The following ANKRD13B variants were observed in gnomAD, a reference collection of about 807,000 sequenced individuals.
ANKRD13B encodes the protein ankyrin repeat domain-containing protein 13B.
Under a neutral mutation model 74.4 loss-of-function variants are expected in ANKRD13B, and 33 were observed. The observed-to-expected ratio is 0.44, with a 90% CI of 0.34 to 0.59. ANKRD13B has a LOEUF of 0.59. Among genes scored for constraint, ANKRD13B ranks in the 20% least tolerant of loss-of-function variants. The pLI is 0.02. For missense variants in ANKRD13B, 676 were observed against 877.9 expected, an observed-to-expected ratio of 0.77 and a Z score of 2.91; for synonymous variants, 341 against 362.9, an observed-to-expected ratio of 0.94 and a Z score of 0.68.
intron 1 of ANKRD13B, among the ~76,000 whole-genome samples, chr17:29,606,733 A>T (rs1413168044): frequency 4.4e-3 from 149 of 33,944 alleles, no homozygotes; most frequent in African/African-American, 0.03. Context: ...TCAAGTAAAA[A>T]AAAAAAAAAA....
rs556580817 is a variant in ANKRD13B at position 29,608,286 on chromosome 17, T to A, written c.421+46T>A. The A allele has an allele frequency of 1.2e-6, 2 of 1,611,958 alleles. No homozygotes were observed. The highest frequency in any genetic ancestry group is 2.7e-5 in the African/African-American group (2 of 75,020). Reference sequence around the variant, plus strand: ...CGCTTCTGGGCTCTCCCACTTTAGGTCCTGCGCTTGCTCCCCTGCCTGGAA... The same window carrying A: ...CGCTTCTGGGCTCTCCCACTTTAGGACCTGCGCTTGCTCCCCTGCCTGGAA... On this transcript the variant is annotated intron_variant, in intron 4 of 14. Transcript: ENST00000394859. The surrounding 1 kb of genome is among the most constrained non-coding windows in gnomAD (Gnocchi z 6.4).
chr17:29,603,939 G>A (rs1245651413), intron 1 of ANKRD13B, among the ~76,000 whole-genome samples: 1 of 147,482 alleles, frequency 6.8e-6, no homozygotes, highest in African/African-American at 2.5e-5. Flanking sequence ...GTGCAGGGGC[G>A]CCATCTCGGC....
In ANKRD13B at chr17:29,609,052, C is replaced by T. The variant is rs2034485966; in HGVS notation, c.566-34C>T. Reference sequence around the variant, plus strand: ...ACGATGGGAGGCAGCCCCAGGCCACCCCTGATCCCCCTGTGCTGTTCCGTG... The same window carrying T: ...ACGATGGGAGGCAGCCCCAGGCCACTCCTGATCCCCCTGTGCTGTTCCGTG... On this transcript the variant is annotated intron_variant, in intron 5 of 14. Transcript: ENST00000394859. This position sits in a 1 kb window ranked among gnomAD's most constrained non-coding sequence, Gnocchi z 4.0. 1 of 1,612,248 alleles carries T rather than the reference C, an allele frequency of 6.2e-7. No homozygotes were observed. Among genetic ancestry groups the T allele is most frequent in the Admixed American group, 1.7e-5 (1 of 60,016 alleles).
rs2034740872 is a variant in ANKRD13B, at chr17:29,614,491, TTCA to T, written c.*912_*914del. ...CACACGGAGACTGACTCTAAAACCC[TTCA>T]TCCAATGGTGCTAACCCCCGGCTCT... On this transcript the variant is annotated 3_prime_UTR_variant, in exon 15 of 15. Transcript: ENST00000394859. 1 of 148,010 alleles carries T rather than the reference TTCA, an allele frequency of 6.8e-6. No individual in the cohort carries two copies. Among genetic ancestry groups the T allele is most frequent in the South Asian group, 2.2e-4 (1 of 4,618 alleles). 9.2% of individuals were successfully genotyped at this position (148,010 alleles called of 1,614,324 possible). A position where few individuals can be genotyped will look rare whatever the true frequency, so the allele number is the denominator to read the frequency against.
intron 14 of ANKRD13B, 103 bp from the exon 15 acceptor site, chr17:29,613,251 G>T (rs1428693973): frequency 1.1e-5 from 15 of 1,388,646 alleles, no homozygotes; most frequent in Non-Finnish European, 1.4e-5. Flanking sequence ...CTCCACTAGA[G>T]GGTGGTGGCC....
chr17:29,607,755 A>C lies in ANKRD13B; in HGVS notation c.128A>C (p.Gln43Pro). The change falls in exon 2 of 15, where the codon CAG becomes CCG. Residue 43 changes from glutamine to proline, a missense_variant. Gln to Pro is a moderately conservative substitution (Grantham distance 76). Coordinates refer to ENST00000394859, the MANE Select transcript of ANKRD13B (RefSeq NM_152345.5). ...CTCCTCCTCCAGGTGGACATCGAGC[A>C]GCTGGATCCCCGCGGCCGGACTCCC... ...EVRAGQVDIE[Q>P]LDPRGRTPLH... The C allele has an allele frequency of 1.9e-6, 3 of 1,599,548 alleles. No homozygotes were observed. The highest frequency in any genetic ancestry group is 1.3e-5 in the African/African-American group (1 of 74,956).
chr17:29,611,921 A>G lies in ANKRD13B; in HGVS notation c.1015A>G (p.Thr339Ala). 2 of 1,614,032 alleles carry G rather than the reference A, an allele frequency of 1.2e-6. No homozygotes were observed. Among genetic ancestry groups the G allele is most frequent in the Non-Finnish European group, 1.7e-6 (2 of 1,179,972 alleles). The change falls in exon 10 of 15, where the codon ACT (threonine) becomes GCT (alanine). Residue 339 changes from threonine (T) to alanine (A), a missense_variant. Thr to Ala is a moderately conservative substitution (Grantham distance 58). Coordinates refer to ENST00000394859, the MANE Select transcript of ANKRD13B (RefSeq NM_152345.5). This position sits in a 1 kb window ranked among gnomAD's most constrained non-coding sequence, Gnocchi z 4.3. ...GAGCCAAGCCAACCCCACTGCCATC[A>G]CTGCAGAAGAATACTTCAACCCCAA... ...TLSQANPTAITAEEYFNPNFE... is the reference protein window; with the variant it reads ...TLSQANPTAIAAEEYFNPNFE...
rs749211266 is a variant in ANKRD13B at position 29,608,206 on chromosome 17, C to T, written c.387C>T (p.Phe129=). 2.5e-6 allele frequency: 4 copies of T among 1,614,198 alleles called. No individual in the cohort carries two copies. Among genetic ancestry groups the T allele is most frequent in the Non-Finnish European group, 3.4e-6 (4 of 1,180,032 alleles). Residue 129 remains phenylalanine (F), a synonymous_variant, in exon 4 of 15, where the codon TTC becomes TTT. Transcript: ENST00000394859. This position sits in a 1 kb window ranked among gnomAD's most constrained non-coding sequence, Gnocchi z 6.4. ...CCTTCGTCCTCCAGGCCCAGGACTT[C>T]TACGTGGAGATGAAATGGGAGTTCA... is the stretch of plus-strand genomic sequence containing the variant. The part of the protein sequence containing the change: ...LLEKLRKAQD[F]YVEMKWEFTS...
rs573679590 is a variant in ANKRD13B at position 29,596,652 on chromosome 17, G to A, written c.114+2917G>A. 1.2e-4 allele frequency among the ~76,000 whole-genome samples: 19 copies of A among 152,332 alleles called. No homozygotes were observed. In the South Asian group the frequency reaches 1.9e-3, roughly 15 times the overall value. ...GAATCATTTTCCTTCTCCCTGGGGC[G>A]TTCTCCACCGTGGGCTTGCTTCCTG... On this transcript the variant is annotated intron_variant, in intron 1 of 14. Transcript: ENST00000394859.
chr17:29,612,621 G>T lies in ANKRD13B; in HGVS notation c.1412-31G>T. 1 of 1,521,420 alleles carries T rather than the reference G, an allele frequency of 6.6e-7. No individual in the cohort carries two copies. Among genetic ancestry groups the T allele is most frequent in the Admixed American group, 2.0e-5 (1 of 49,562 alleles). 94.2% of individuals were successfully genotyped at this position (1,521,420 alleles called of 1,614,324 possible). A position where few individuals can be genotyped will look rare whatever the true frequency, so the allele number is the denominator to read the frequency against. ...GGGGTGGGTGGGAGGGGCGCGCCCG[G>T]CCGTGCCTGACCCAGCCCCCGCGCC... On this transcript the variant is annotated intron_variant, in intron 12 of 14. Transcript: ENST00000394859. This position sits in a 1 kb window ranked among gnomAD's most constrained non-coding sequence, Gnocchi z 6.1.
rs374614115 is a variant in ANKRD13B at position 29,612,844 on chromosome 17, G to C, written c.1575+29G>C. ...CGTCTCCGCGGGCGCGCGGGGCCAC[G>C]GGACTCCGCGCCGCCACGGCTAACG... On this transcript the variant is annotated intron_variant, in intron 13 of 14. Coordinates refer to ENST00000394859, the MANE Select transcript of ANKRD13B (RefSeq NM_152345.5). This position sits in a 1 kb window ranked among gnomAD's most constrained non-coding sequence, Gnocchi z 6.1. 5 of 1,600,024 alleles carry C rather than the reference G, an allele frequency of 3.1e-6. No individual in the cohort carries two copies. The highest frequency in any genetic ancestry group is 4.2e-6 in the Non-Finnish European group (5 of 1,178,670).
chr17:29,612,819 C>T lies in ANKRD13B; in HGVS notation c.1575+4C>T. Reference sequence around the variant, plus strand: ...GGCGGGCAGTGAGTATGACCAGGTGCGTCTCCGCGGGCGCGCGGGGCCACG... The same window carrying T: ...GGCGGGCAGTGAGTATGACCAGGTGTGTCTCCGCGGGCGCGCGGGGCCACG... On this transcript the variant is annotated splice_donor_region_variant and intron_variant, in intron 13 of 14. Coordinates refer to ENST00000394859, the MANE Select transcript of ANKRD13B (RefSeq NM_152345.5). This position sits in a 1 kb window ranked among gnomAD's most constrained non-coding sequence, Gnocchi z 6.1. The T allele has an allele frequency of 1.2e-6, 2 of 1,601,288 alleles. No homozygotes were observed. The highest frequency in any genetic ancestry group is 8.5e-7 in the Non-Finnish European group (1 of 1,178,148).
chr17:29,609,315 G>C lies in ANKRD13B; in HGVS notation c.755+40G>C, dbSNP rs774036741. 4 of 1,613,210 alleles carry C rather than the reference G, an allele frequency of 2.5e-6. No individual in the cohort carries two copies. Among genetic ancestry groups the C allele is most frequent in the East Asian group, 2.2e-5 (1 of 44,864 alleles). On this transcript the variant is annotated intron_variant, in intron 6 of 14. Transcript: ENST00000394859. This position sits in a 1 kb window ranked among gnomAD's most constrained non-coding sequence, Gnocchi z 4.0. Reference sequence around the variant, plus strand: ...CCTTGGTCACCCTTGAGCCAGCCCGGTGGGGTGCCTGCCTCACCTGGACCA... The same window carrying C: ...CCTTGGTCACCCTTGAGCCAGCCCGCTGGGGTGCCTGCCTCACCTGGACCA...
Position 29,612,415 on chromosome 17 carries a change from C to A in ANKRD13B, c.1272C>A (p.Phe424Leu), listed in dbSNP as rs1207854448. Residue 424 changes from phenylalanine (F) to leucine (L), a missense_variant, in exon 12 of 15, where the codon TTC becomes TTA. Transcript: ENST00000394859. This position sits in a 1 kb window ranked among gnomAD's most constrained non-coding sequence, Gnocchi z 6.1. ...GFPVKIEIPI[F>L]HILNARITFG... ...CCTCATCCTCAGAAATCCCGATCTT[C>A]CACATCCTCAACGCCCGCATCACCT... 12 of 1,612,394 alleles carry A rather than the reference C, an allele frequency of 7.4e-6. No homozygotes were observed. Among genetic ancestry groups the A allele is most frequent in the South Asian group, 1.1e-5 (1 of 90,774 alleles).
At chr17:29,602,562 ACTCTAGT>A (rs1312024167) in intron 1 of ANKRD13B, among the ~76,000 whole-genome samples, 1 of 151,938 alleles carries the variant, frequency 6.6e-6, no homozygotes, top group East Asian at 1.9e-4. Context: ...TGGCTGCAGA[ACTCTAGT>A]CTCTGCCTCC....
At chr17:29,601,303 C>T (rs1002247998) in intron 1 of ANKRD13B, among the ~76,000 whole-genome samples, 1 of 151,404 alleles carries the variant, frequency 6.6e-6, no homozygotes, top group Non-Finnish European at 1.5e-5. Flanking sequence ...TTCACTGCAA[C>T]CTCCACCTCC....
In ANKRD13B at chr17:29,613,447, G is replaced by A. The variant is rs1437141330; in HGVS notation, c.1746G>A (p.Val582=). Residue 582 remains valine (V), a synonymous_variant, in exon 15 of 15, where the codon GTG becomes GTA. Coordinates refer to ENST00000394859, the MANE Select transcript of ANKRD13B (RefSeq NM_152345.5). The stretch of plus-strand genomic sequence containing the variant: ...CAGGGCCAGGTTCCGGCGGCCACGT[G>A]TTCCGGAGCTACGACGAGCAGCTGC... The part of the protein sequence containing the change: ...PSSGPGSGGH[V]FRSYDEQLRL... 4 of 1,532,360 alleles carry A rather than the reference G, an allele frequency of 2.6e-6. No individual in the cohort carries two copies. The highest frequency in any genetic ancestry group is 2.8e-5 in the African/African-American group (2 of 70,778). The allele number at this position is 1,532,360 out of a possible 1,614,324, so 94.9% of individuals were successfully genotyped here.
chr17:29,604,214 G>C (rs2034282741), intron 1 of ANKRD13B, among the ~76,000 whole-genome samples: 1 of 150,530 alleles, frequency 6.6e-6, no homozygotes, highest in Non-Finnish European at 1.5e-5. Flanking sequence ...ACCTTTTTGA[G>C]GCTTTTTTTT....
rs762676086 is a variant in ANKRD13B, at chr17:29,609,232, G to A, written c.712G>A (p.Val238Ile). The change falls in exon 6 of 15, where the codon GTC becomes ATC. Residue 238 changes from valine to isoleucine, a missense_variant. By Grantham distance (29) the Val-to-Ile change is conservative (BLOSUM62 3). Coordinates refer to ENST00000394859, the MANE Select transcript of ANKRD13B (RefSeq NM_152345.5). This position sits in a 1 kb window ranked among gnomAD's most constrained non-coding sequence, Gnocchi z 4.0. The part of the protein sequence containing the change: ...EQVLSRLTAP[V>I]VTTQLDTKNI... ...GGTGCTGAGCCGGCTTACCGCGCCC[G>A]TCGTCACCACTCAGCTTGACACCAA... 18 of 1,612,946 alleles carry A rather than the reference G, an allele frequency of 1.1e-5. No individual in the cohort carries two copies. Among genetic ancestry groups the A allele is most frequent in the East Asian group, 4.5e-5 (2 of 44,884 alleles).
Sources: gnomAD v4.1 joint callset for allele counts (sites outside exome capture counted in the v4.1 genomes callset) on GRCh38, gnomAD v4.1.1 for gene constraint, Gnocchi (gnomAD v3.1) non-coding constraint, MANE v1.5 for transcripts, NCBI Gene and HGNC (gene_info 2026-07-23, HGNC 2026-07-21) for gene names.